PAK1: variants seen among roughly 807,000 people sequenced by gnomAD.
PAK1 encodes the protein serine/threonine-protein kinase PAK 1.
A neutral mutation model predicts 67.4 loss-of-function variants in PAK1; 29 were observed. That is an observed-to-expected ratio of 0.43 (90% CI 0.32 to 0.59). The LOEUF (loss-of-function observed/expected upper bound fraction) is 0.59. Ranked by LOEUF, PAK1 falls within the 20% of genes least tolerant of loss-of-function variation. PAK1 has a pLI of 0.07. For missense variants in PAK1, 337 were observed against 670.7 expected, an observed-to-expected ratio of 0.50 and a Z score of 5.50; for synonymous variants, 223 against 237.4, an observed-to-expected ratio of 0.94 and a Z score of 0.56.
chr11:77,437,226 T>A (rs1010189296), intron 1 of PAK1, among the ~76,000 whole-genome samples: 1 of 152,104 alleles, frequency 6.6e-6, no homozygotes, highest in African/African-American at 2.4e-5. Context: ...CTTCACAGAG[T>A]GATTGTAAGT....
chr11:77,426,235 C>T (rs1347311446), intron 1 of PAK1, among the ~76,000 whole-genome samples: 3 of 151,934 alleles, frequency 2.0e-5, no homozygotes, highest in Non-Finnish European at 4.4e-5. Flanking sequence ...ATGGGAACCA[C>T]CACCACCATC....
intron 1 of PAK1, among the ~76,000 whole-genome samples, chr11:77,459,227 T>G (rs1957212366): frequency 6.6e-6 from 1 of 152,178 alleles, no homozygotes; most frequent in Non-Finnish European, 1.5e-5. Context: ...GACACACTGA[T>G]GGCTTTTGGG....
chr11:77,485,519 A>G, the PAK1 span, among the ~76,000 whole-genome samples: 6 of 152,174 alleles, frequency 3.9e-5, no homozygotes, highest in African/African-American at 1.4e-4. Flanking sequence ...CTTGTTGCCC[A>G]GGCTGGAGTG....
At chr11:77,444,269 G>A (rs1328472118) in intron 1 of PAK1, among the ~76,000 whole-genome samples, 1 of 142,802 alleles carries the variant, frequency 7.0e-6, no homozygotes, top group Non-Finnish European at 1.5e-5. Context: ...AACCAGGTAC[G>A]TAAACCTGGA....
intron 1 of PAK1, among the ~76,000 whole-genome samples, chr11:77,443,894 T>C (rs1470017682): frequency 6.6e-6 from 1 of 152,200 alleles, no homozygotes; most frequent in Admixed American, 6.5e-5. Flanking sequence ...TGTCTGTCAA[T>C]GAAAATAAAA....
the PAK1 span, among the ~76,000 whole-genome samples, chr11:77,480,548 T>TGG: frequency 7.4e-6 from 1 of 135,006 alleles, no homozygotes; most frequent in Admixed American, 7.9e-5. Context: ...TTTTGAGACA[T>TGG]AGTCTTGCTC....
At chr11:77,352,397 C>T (rs889079965) in intron 8 of PAK1, among the ~76,000 whole-genome samples, 1 of 152,170 alleles carries the variant, frequency 6.6e-6, no homozygotes, top group South Asian at 2.1e-4. Context: ...CACATAACGA[C>T]GTTTCAGTCA....
At chr11:77,358,715 C>T in intron 6 of PAK1, 183 bp downstream of exon 6, 1 of 671,154 alleles carries the variant, frequency 1.5e-6, no homozygotes. Flanking sequence ...TAAATAAACA[C>T]ATGATTTTTT....
intron 1 of PAK1, among the ~76,000 whole-genome samples, chr11:77,402,642 C>T (rs1400649795): frequency 2.0e-5 from 3 of 152,162 alleles, no homozygotes; most frequent in African/African-American, 4.8e-5. Flanking sequence ...GGGGCCACTT[C>T]GTTCAACCTC....
intron 1 of PAK1, among the ~76,000 whole-genome samples, chr11:77,427,756 C>T (rs1254389366): frequency 6.6e-6 from 1 of 152,094 alleles, no homozygotes; most frequent in African/African-American, 2.4e-5. Context: ...AATACTCCAT[C>T]AGAAGTAGAA....
At chr11:77,462,982 A>AGGGGGGG (rs1170395313) in intron 1 of PAK1, among the ~76,000 whole-genome samples, 1 of 11,704 alleles carries the variant, frequency 8.5e-5, no homozygotes, top group South Asian at 2.9e-3. Flanking sequence ...AAAAAAAAAA[A>AGGGGGGG]GGTGGGTGGG....
At chr11:77,453,892 C>G (rs1446236743) in intron 1 of PAK1, among the ~76,000 whole-genome samples, 1 of 152,014 alleles carries the variant, frequency 6.6e-6, no homozygotes, top group African/African-American at 2.4e-5. Context: ...ACCAGTCTGG[C>G]AATATGGCGA....
intron 1 of PAK1, among the ~76,000 whole-genome samples, chr11:77,393,053 T>C (rs1403224911): frequency 1.3e-5 from 2 of 152,016 alleles, no homozygotes; most frequent in Non-Finnish European, 2.9e-5. Context: ...GCTGTTTTTG[T>C]AGATAGTTTT....
At chr11:77,444,477 C>A (rs1380570493) in intron 1 of PAK1, among the ~76,000 whole-genome samples, 1 of 152,174 alleles carries the variant, frequency 6.6e-6, no homozygotes, top group Non-Finnish European at 1.5e-5. Context: ...TGTCCTGATT[C>A]ACCCTCGTTT....
chr11:77,448,671 G>A (rs1956721745), intron 1 of PAK1, among the ~76,000 whole-genome samples: 2 of 152,208 alleles, frequency 1.3e-5, no homozygotes, highest in Admixed American at 6.5e-5. Context: ...AAGGGAACAT[G>A]AGAAAGAATG....
At chr11:77,334,631 G>C (rs1942344654) in intron 13 of PAK1, among the ~76,000 whole-genome samples, 2 of 152,136 alleles carry the variant, frequency 1.3e-5, no homozygotes, top group Admixed American at 1.3e-4. Context: ...TTCAGTACTT[G>C]ATCGAACCCC....
the PAK1 span, among the ~76,000 whole-genome samples, chr11:77,499,140 A>G: frequency 6.6e-6 from 1 of 151,932 alleles, no homozygotes. Context: ...ACTACTAAAA[A>G]AAAAAAAAGA....
At chr11:77,440,076 C>T (rs1956288392) in intron 1 of PAK1, among the ~76,000 whole-genome samples, 1 of 152,210 alleles carries the variant, frequency 6.6e-6, no homozygotes, top group Non-Finnish European at 1.5e-5. Context: ...GGACCATTCA[C>T]TGCTTCACTC....
intron 9 of PAK1, among the ~76,000 whole-genome samples, chr11:77,348,689 A>G (rs993102612): frequency 6.6e-6 from 1 of 152,178 alleles, no homozygotes; most frequent in Non-Finnish European, 1.5e-5. Context: ...ACATTCAATC[A>G]TCTAATCCTG....
Sources: gnomAD v4.1 joint callset for allele counts (sites outside exome capture counted in the v4.1 genomes callset) on GRCh38, gnomAD v4.1.1 for gene constraint, MANE v1.5 for transcripts, NCBI Gene and HGNC (gene_info 2026-07-23, HGNC 2026-07-21) for gene names.